The following ADAMTS17 variants were observed in gnomAD, a reference collection of about 807,000 sequenced individuals.
ADAMTS17 encodes the protein ADAM metallopeptidase with thrombospondin type 1 motif 17, also known as A disintegrin and metalloproteinase with thrombospondin motifs 17.
A neutral mutation model predicts 141.5 loss-of-function variants in ADAMTS17; 113 were observed. The ratio of observed to expected loss-of-function variants is 0.80; its 90% CI spans 0.69 to 0.93. The LOEUF (loss-of-function observed/expected upper bound fraction) is 0.93. ADAMTS17 is among the 40% of genes least tolerant of loss of function. The pLI is 0.00. For synonymous variants in ADAMTS17, 768 were observed against 630.6 expected (o/e 1.22, Z -3.27); for missense variants, 1,659 against 1,517.9 (o/e 1.09, Z -1.54).
chr15:100,091,140 T>A (rs2035445162), intron 15 of ADAMTS17, among the ~76,000 whole-genome samples: 1 of 149,884 alleles, frequency 6.7e-6, no homozygotes, highest in African/African-American at 2.5e-5. Context: ...GACCCAGAGC[T>A]CAAAGTCCAC....
chr15:100,020,154 T>A (rs74036698), intron 18 of ADAMTS17, among the ~76,000 whole-genome samples: 109 of 152,338 alleles, frequency 7.2e-4, no homozygotes, highest in African/African-American at 2.5e-3. Flanking sequence ...GGCCCTGCCC[T>A]GCTGGCCCAG....
At chr15:100,204,441 T>C (rs952340088) in intron 7 of ADAMTS17, among the ~76,000 whole-genome samples, 2 of 152,242 alleles carry the variant, frequency 1.3e-5, no homozygotes, top group Admixed American at 6.5e-5. Flanking sequence ...GTCATGGATA[T>C]TGGATTGCAG....
At chr15:100,002,782 T>C (rs2060956267) in intron 18 of ADAMTS17, among the ~76,000 whole-genome samples, 1 of 152,044 alleles carries the variant, frequency 6.6e-6, no homozygotes, top group Non-Finnish European at 1.5e-5. Flanking sequence ...GTCCTGCCTC[T>C]TCTCTCCTTT....
chr15:100,226,209 T>C (rs1402832008), intron 7 of ADAMTS17, among the ~76,000 whole-genome samples: 1 of 152,274 alleles, frequency 6.6e-6, no homozygotes, highest in Non-Finnish European at 1.5e-5. Context: ...AGTCATGGTC[T>C]GTGTTCTGGG....
intron 7 of ADAMTS17, among the ~76,000 whole-genome samples, chr15:100,237,670 C>A (rs2042701480): frequency 6.6e-6 from 1 of 152,180 alleles, no homozygotes; most frequent in African/African-American, 2.4e-5. Flanking sequence ...GTCACCCAGG[C>A]TGGAGTGCAA....
intron 2 of ADAMTS17, among the ~76,000 whole-genome samples, chr15:100,336,328 A>G (rs2046207199): frequency 6.6e-6 from 1 of 152,134 alleles, no homozygotes; most frequent in Admixed American, 6.5e-5. Flanking sequence ...GGACAAAGAG[A>G]AGCCACCATG....
chr15:100,254,230 G>A lies in ADAMTS17; in HGVS notation c.1032-51C>T, dbSNP rs774252385. ...GGTATATGCAGTATCCCCAAGAATG[G>A]GAGAAGAAAACACTGTGAATTAACC... is the stretch of plus-strand genomic sequence containing the variant. On this transcript the variant is annotated intron_variant, in intron 6 of 21. Transcript: ENST00000268070. 24 of 1,544,902 alleles carry A rather than the reference G, an allele frequency of 1.6e-5. 1 individual carries two copies. The Middle Eastern group carries it at 5.0e-4, about 32-fold the overall frequency.
chr15:100,311,439 C>A (rs1596496535), intron 3 of ADAMTS17, among the ~76,000 whole-genome samples: 1 of 152,204 alleles, frequency 6.6e-6, no homozygotes, highest in Non-Finnish European at 1.5e-5. Flanking sequence ...CCTGGACAGC[C>A]CCAGCCAGTG....
chr15:100,315,154 C>T (rs1029248464), intron 3 of ADAMTS17, among the ~76,000 whole-genome samples: 5 of 152,184 alleles, frequency 3.3e-5, no homozygotes, highest in African/African-American at 9.6e-5. Context: ...GGCTGGAGGC[C>T]GGGAGGCAGG....
At position 100,152,035 on chromosome 15, in the gene ADAMTS17, G is replaced by C. The variant is rs375554181; in HGVS notation, c.1473+577C>G. 6.6e-5 allele frequency among the ~76,000 whole-genome samples: 10 copies of C among 152,328 alleles called. No homozygotes were observed. The South Asian group carries it at 8.3e-4, about 13-fold the overall frequency. ...CCAGGGACAGGATCTCGGGAGCCATGGTGAAGACTAATTGGGATCACACAT... is the reference window on the plus strand; with the variant it reads ...CCAGGGACAGGATCTCGGGAGCCATCGTGAAGACTAATTGGGATCACACAT... On this transcript the variant is annotated intron_variant, in intron 10 of 21. Transcript: ENST00000268070.
At chr15:100,265,307 T>C (rs1034241634) in intron 4 of ADAMTS17, among the ~76,000 whole-genome samples, 1 of 152,138 alleles carries the variant, frequency 6.6e-6, no homozygotes, top group African/African-American at 2.4e-5. Flanking sequence ...CAAAGTCTCG[T>C]CTTCTTTTTT....
chr15:100,023,014 G>C (rs1056402247), intron 18 of ADAMTS17, among the ~76,000 whole-genome samples: 1 of 152,098 alleles, frequency 6.6e-6, no homozygotes, highest in Non-Finnish European at 1.5e-5. Flanking sequence ...CTAAAGGTCT[G>C]CTCTGCAAAG....
intron 18 of ADAMTS17, among the ~76,000 whole-genome samples, chr15:100,013,198 T>C (rs140036227): frequency 1.8e-3 from 268 of 152,326 alleles, no homozygotes; most frequent in African/African-American, 6.2e-3. Context: ...TCGCTTTTGG[T>C]ATATGGTAGA....
chr15:100,300,292 T>C (rs1195068612), intron 3 of ADAMTS17, among the ~76,000 whole-genome samples: 5 of 152,000 alleles, frequency 3.3e-5, no homozygotes, highest in Admixed American at 2.6e-4. Context: ...GGCTTAGGGG[T>C]GAGAAAAAAG....
Position 99,973,865 on chromosome 15 carries a change from G to A in ADAMTS17, c.*537C>T. The A allele has an allele frequency of 4.9e-6, 1 of 203,828 alleles. No homozygotes were observed. Among genetic ancestry groups the A allele is most frequent in the African/African-American group, 2.3e-5 (1 of 42,570 alleles). 12.6% of individuals were successfully genotyped at this position (203,828 alleles called of 1,614,324 possible). ...AGACGGGCATGGAGGCAACGTCCTG[G>A]TTCTCATGTGGTCAAGAAGGTAGAT... On this transcript the variant is annotated 3_prime_UTR_variant, in exon 22 of 22. Coordinates refer to ENST00000268070, the MANE Select transcript of ADAMTS17 (RefSeq NM_139057.4).
intron 20 of ADAMTS17, among the ~76,000 whole-genome samples, chr15:99,977,373 T>A (rs1414892681): frequency 1.2e-4 from 2 of 17,234 alleles, no homozygotes; most frequent in East Asian, 1.2e-3. Context: ...TATATATATA[T>A]ATATATATAT....
intron 18 of ADAMTS17, among the ~76,000 whole-genome samples, chr15:100,035,395 G>A (rs989609255): frequency 1.1e-4 from 17 of 152,076 alleles, no homozygotes; most frequent in African/African-American, 1.9e-4. Flanking sequence ...ATATATTATC[G>A]AGGAAAGACT....
chr15:100,002,995 C>A (rs866091807), intron 18 of ADAMTS17, among the ~76,000 whole-genome samples: 3 of 152,184 alleles, frequency 2.0e-5, no homozygotes, highest in Middle Eastern at 6.8e-3. Flanking sequence ...CTGCCATTCA[C>A]CCCTCCTCTG....
At chr15:100,043,137 C>G (rs1350832496) in intron 18 of ADAMTS17, among the ~76,000 whole-genome samples, 1 of 152,162 alleles carries the variant, frequency 6.6e-6, no homozygotes, top group African/African-American at 2.4e-5. Context: ...AGAAAAAGTA[C>G]AAGGTCAGAT....
Sources: allele counts gnomAD v4.1 joint callset (sites outside exome capture counted in the v4.1 genomes callset), GRCh38; gene constraint gnomAD v4.1.1; transcripts MANE v1.5; gene names NCBI Gene and HGNC (gene_info 2026-07-23, HGNC 2026-07-21).